The following SLC9A8 variants were observed in gnomAD, a reference collection of about 807,000 sequenced individuals.
SLC9A8 encodes the protein solute carrier family 9 member A8.
Under a neutral mutation model 66.6 loss-of-function variants are expected in SLC9A8, and 48 were observed. The ratio of observed to expected loss-of-function variants is 0.72; its 90% confidence interval spans 0.57 to 0.92. SLC9A8 has a LOEUF of 0.92. Ranked by LOEUF, SLC9A8 falls within the 40% of genes least tolerant of loss-of-function variation. The pLI is 0.00. For missense variants in SLC9A8, 599 were observed against 747.3 expected (o/e 0.80, Z 2.31); for synonymous variants, 274 against 282.6 (o/e 0.97, Z 0.31).
In SLC9A8 at chr20:49,850,623, C is replaced by T. The variant is rs570108111; in HGVS notation, c.535-187C>T. 27 of 601,762 alleles carry T rather than the reference C, an allele frequency of 4.5e-5. No homozygotes were observed. The African/African-American group carries it at 4.7e-4, about 10-fold the overall frequency. The allele number at this position is 601,762 out of a possible 1,614,324, so 37.3% of individuals were successfully genotyped here. On this transcript the variant is annotated intron_variant, in intron 6 of 15. Coordinates refer to ENST00000361573, the MANE Select transcript of SLC9A8 (RefSeq NM_015266.3). Reference sequence around the variant, plus strand: ...AATGTAGCATTCTTTTCCATACTCTCGTTGCATGCCGATGGAATGCATGTT... The same window carrying T: ...AATGTAGCATTCTTTTCCATACTCTTGTTGCATGCCGATGGAATGCATGTT...
intron 2 of SLC9A8, among the ~76,000 whole-genome samples, chr20:49,816,888 C>A (rs2086568851): frequency 2.0e-5 from 3 of 151,930 alleles, no homozygotes; most frequent in South Asian, 4.1e-4. Context: ...GCCACCATGC[C>A]CAGCTAATTT....
At chr20:49,879,862 G>A (rs1272679039) in intron 12 of SLC9A8, among the ~76,000 whole-genome samples, 12 of 151,870 alleles carry the variant, frequency 7.9e-5, no homozygotes, top group Non-Finnish European at 1.8e-4. Flanking sequence ...CCTAAAGAAT[G>A]TACTGTACAT....
In SLC9A8 at chr20:49,874,721, T is replaced by C. The variant is rs542234; in HGVS notation, c.975T>C (p.Leu325=). ...GISLSGIMAI[L]FSGIVMSHYT... is the part of the protein sequence containing the mutation. ...CCTCTCTAGGCATCATGGCCATCCTTTTCTCAGGCATCGTGATGTCCCACT... is the reference window on the plus strand; with the variant it reads ...CCTCTCTAGGCATCATGGCCATCCTCTTCTCAGGCATCGTGATGTCCCACT... Residue 325 remains leucine (L), a synonymous_variant, in exon 11 of 16, where the codon CTT becomes CTC. Coordinates refer to ENST00000361573, the MANE Select transcript of SLC9A8 (RefSeq NM_015266.3). 1 of 1,608,132 alleles carries C rather than the reference T, an allele frequency of 6.2e-7. No individual in the cohort carries two copies. The highest frequency in any genetic ancestry group is 8.5e-7 in the Non-Finnish European group (1 of 1,174,648).
At chr20:49,881,471 T>A (rs1247094287) in intron 13 of SLC9A8, among the ~76,000 whole-genome samples, 2 of 152,228 alleles carry the variant, frequency 1.3e-5, no homozygotes, top group Admixed American at 6.5e-5. Flanking sequence ...TTCTAGTAGT[T>A]TAATTTGAAT....
At chr20:49,875,953 A>ATGGTCTC in intron 11 of SLC9A8, among the ~76,000 whole-genome samples, 1 of 152,150 alleles carries the variant, frequency 6.6e-6, no homozygotes, top group African/African-American at 2.4e-5. Flanking sequence ...GTTAGCCAGG[A>ATGGTCTC]TGGTCTCGAT....
chr20:49,839,573 G>A lies in SLC9A8; in HGVS notation c.322G>A (p.Glu108Lys). The change falls in exon 4 of 16, where the codon GAG becomes AAG. Residue 108 changes from glutamate (E) to lysine (K), a missense_variant. Around this residue, in one of 2 missense-constraint regions of SLC9A8, gnomAD observed 467 missense variants for 626.5 expected, o/e 0.75. Transcript: ENST00000361573. ...ILMGAVIKII[E>K]FKKLANWKEE... ...CATGGGAGCAGTTATAAAAATTATA[G>A]AGTTTAAAAAACTGGCGAATTGGAA... The A allele has an allele frequency of 6.2e-7, 1 of 1,600,730 alleles. No individual in the cohort carries two copies. The highest frequency in any genetic ancestry group is 8.6e-7 in the Non-Finnish European group (1 of 1,169,444).
Position 49,862,165 on chromosome 20 carries a change from C to A in SLC9A8, c.714-764C>A, listed in dbSNP as rs183727416. 6.0e-5 allele frequency among the ~76,000 whole-genome samples: 9 copies of A among 150,860 alleles called. No homozygotes were observed. In the East Asian group the frequency reaches 1.8e-3, roughly 30 times the overall value. ...GGGTTGCATATGCATGGGCTCTCTT[C>A]CTTTGCACATGCTGTTCCCTCACTG... On this transcript the variant is annotated intron_variant, in intron 8 of 15. Transcript: ENST00000361573.
At chr20:49,844,021 G>A (rs2087875411) in intron 4 of SLC9A8, among the ~76,000 whole-genome samples, 1 of 151,820 alleles carries the variant, frequency 6.6e-6, no homozygotes, top group African/African-American at 2.4e-5. Flanking sequence ...TCCCCCATGA[G>A]TGGAAGCAGC....
At chr20:49,831,404 T>G (rs58814367) in intron 3 of SLC9A8, among the ~76,000 whole-genome samples, 888 of 87,494 alleles carry the variant, frequency 0.01, 15 homozygotes, top group African/African-American at 0.036. Flanking sequence ...ACACACACAC[T>G]CTCTCTCTCT....
At chr20:49,823,196 T>C (rs991711948) in intron 3 of SLC9A8, 55 bp downstream of exon 3, 3 of 1,352,098 alleles carry the variant, frequency 2.2e-6, no homozygotes, top group Non-Finnish European at 3.2e-6. Context: ...CTACCATTTT[T>C]TGAGTGCCTC....
At chr20:49,847,215 A>G (rs1457528688) in intron 5 of SLC9A8, among the ~76,000 whole-genome samples, 3 of 152,148 alleles carry the variant, frequency 2.0e-5, no homozygotes, top group African/African-American at 7.2e-5. Context: ...ATAATTTTTA[A>G]CAAGGAAACA....
At chr20:49,813,197 C>T (rs2086422514) in intron 1 of SLC9A8, among the ~76,000 whole-genome samples, 1 of 152,248 alleles carries the variant, frequency 6.6e-6, no homozygotes, top group South Asian at 2.1e-4. Context: ...GGAGAGCTGT[C>T]TTGCGGAAAA....
intron 4 of SLC9A8, among the ~76,000 whole-genome samples, chr20:49,843,010 T>C (rs1332597869): frequency 1.3e-5 from 2 of 152,188 alleles, no homozygotes; most frequent in African/African-American, 4.8e-5. Flanking sequence ...TACAAGTCGA[T>C]GTTTGCTGCC....
intron 4 of SLC9A8, among the ~76,000 whole-genome samples, chr20:49,840,786 G>T (rs1280330123): frequency 1.3e-5 from 2 of 151,994 alleles, no homozygotes; most frequent in Non-Finnish European, 2.9e-5. Context: ...TGTAGATTTT[G>T]CCCACTAACC....
chr20:49,850,848 A>G lies in SLC9A8; in HGVS notation c.569+4A>G. On this transcript the variant is annotated splice_donor_region_variant and intron_variant, in intron 7 of 15. Transcript: ENST00000361573. The stretch of plus-strand genomic sequence containing the variant: ...CTAAACTCAACATGACAGACAGGTA[A>G]ATCCTTCATACTGTAACACCCATGC... 6.2e-7 allele frequency: 1 copy of G among 1,602,800 alleles called. No homozygotes were observed. The highest frequency in any genetic ancestry group is 8.5e-7 in the Non-Finnish European group (1 of 1,174,934).
intron 8 of SLC9A8, among the ~76,000 whole-genome samples, chr20:49,859,164 A>G (rs2088634554): frequency 1.3e-5 from 2 of 152,160 alleles, no homozygotes; most frequent in East Asian, 3.9e-4. Flanking sequence ...CTGAGACCCA[A>G]GCTGGCTTGA....
At position 49,846,703 on chromosome 20, in the gene SLC9A8, C is replaced by A. The variant is rs568381496; in HGVS notation, c.432+1584C>A. Among the ~76,000 whole-genome samples the A allele has an allele frequency of 4.6e-5, 7 of 152,156 alleles. No individual in the cohort carries two copies. The South Asian group carries it at 1.5e-3, about 32-fold the overall frequency. The stretch of plus-strand genomic sequence containing the variant: ...CCGAGGTGGGTGGATCACTTGAGGC[C>A]AGGAGTTCAAGACCAGTCTGGCCAA... On this transcript the variant is annotated intron_variant, in intron 5 of 15. Coordinates refer to ENST00000361573, the MANE Select transcript of SLC9A8 (RefSeq NM_015266.3).
intron 10 of SLC9A8, among the ~76,000 whole-genome samples, chr20:49,865,910 G>A (rs903187150): frequency 3.3e-5 from 5 of 152,220 alleles, no homozygotes; most frequent in Non-Finnish European, 7.3e-5. Context: ...CTATTGCAGG[G>A]ATGTTTTGAT....
rs2089727935 is a variant in SLC9A8, at chr20:49,884,025, AG to A, written c.1452del (p.Asn485ThrfsTer51). The A allele has an allele frequency of 1.2e-6, 2 of 1,613,760 alleles. No homozygotes were observed. The highest frequency in any genetic ancestry group is 1.7e-6 in the Non-Finnish European group (2 of 1,180,008). ...MDIEDAKAHR[R>X]NKKDVNLSKT... ...CATCGAGGACGCCAAGGCACACCGC[AG>A]GAACAAGAAGGACGTCAACCTCAGC... On this transcript the variant is annotated frameshift_variant, in exon 14 of 16. Coordinates refer to ENST00000361573, the MANE Select transcript of SLC9A8 (RefSeq NM_015266.3). LOFTEE classifies it high-confidence loss of function.
Sources: gnomAD v4.1 joint callset for allele counts (sites outside exome capture counted in the v4.1 genomes callset) on GRCh38, gnomAD v4.1.1 for gene constraint, gnomAD v4.1.1 regional missense constraint, MANE v1.5 for transcripts, NCBI Gene and HGNC (gene_info 2026-07-23, HGNC 2026-07-21) for gene names.